The following KCNAB2 variants were observed in gnomAD, a reference collection of about 807,000 sequenced individuals.
The protein encoded by KCNAB2 is voltage-gated potassium channel subunit beta-2.
A neutral mutation model predicts 63.6 loss-of-function variants in KCNAB2; 29 were observed. The ratio of observed to expected loss-of-function variants is 0.46; its 90% CI spans 0.34 to 0.62. The LOEUF is 0.62. KCNAB2 is among the 20% of genes least tolerant of loss of function. The pLI is 0.01. For synonymous variants in KCNAB2, 222 were observed against 224.2 expected (o/e 0.99, Z 0.09); for missense variants, 359 against 563.9 (o/e 0.64, Z 3.68).
rs139045988 is a variant in KCNAB2 at position 6,087,200 on chromosome 1, C to T, written c.426-267C>T. On this transcript the variant is annotated intron_variant, in intron 6 of 15. Transcript: ENST00000378083. This position sits in a 1 kb window ranked among gnomAD's most constrained non-coding sequence, Gnocchi z 6.4. ...GAAGGCATCTCCTCCGGACTCCGGT[C>T]ACACTAGGCCCCCCACTGTCCAACT... 1.3e-5 allele frequency among the ~76,000 whole-genome samples: 2 copies of T among 152,284 alleles called. No homozygotes were observed. The highest frequency in any genetic ancestry group is 2.9e-5 in the Non-Finnish European group (2 of 68,034).
At chr1:5,992,759 G>C (rs1398699699) in exon 1 of KCNAB2, 1 of 152,202 alleles carries the variant, frequency 6.6e-6, no homozygotes, top group African/African-American at 2.4e-5. Flanking sequence ...ATCCGGCGCG[G>C]GGCACAGGAT....
intron 1 of KCNAB2, among the ~76,000 whole-genome samples, chr1:6,039,402 C>T (rs561212769): frequency 2.6e-5 from 4 of 152,182 alleles, no homozygotes; most frequent in South Asian, 2.1e-4. Flanking sequence ...GTTCAGGAGG[C>T]GGTGGGGGGA....
chr1:6,076,608 C>T (rs1663684815), intron 4 of KCNAB2, among the ~76,000 whole-genome samples: 2 of 152,210 alleles, frequency 1.3e-5, no homozygotes, highest in Admixed American at 1.3e-4. Context: ...TGGCTATAAA[C>T]AGGTGCAGGG....
chr1:5,995,273 G>A (rs553293049), intron 1 of KCNAB2, among the ~76,000 whole-genome samples: 5 of 152,266 alleles, frequency 3.3e-5, no homozygotes, highest in South Asian at 2.1e-4. Context: ...CCCAGCAGCC[G>A]GTCATCCTTG....
intron 5 of KCNAB2, among the ~76,000 whole-genome samples, chr1:6,083,369 C>T (rs768266390): frequency 2.0e-5 from 3 of 152,218 alleles, no homozygotes; most frequent in Non-Finnish European, 4.4e-5. Context: ...GTGCAGCCTC[C>T]GTGGATGAGG....
intron 1 of KCNAB2, among the ~76,000 whole-genome samples, chr1:6,049,619 C>T (rs1285399002): frequency 6.6e-6 from 1 of 152,214 alleles, no homozygotes; most frequent in East Asian, 1.9e-4. Context: ...CCAGCCCTGA[C>T]CAGGGTGGTG....
rs116079798 is a variant in KCNAB2 at position 6,003,574 on chromosome 1, C to T, written c.-53+10786C>T. On this transcript the variant is annotated intron_variant, in intron 1 of 16. Transcript: ENST00000341524. The surrounding 1 kb of genome is among the most constrained non-coding windows in gnomAD (Gnocchi z 4.1). ...GGAGATCCGGCAGCTCTTCACTCTT[C>T]CGAATCAGGCTGTGGGAAACGTTTG... Among the ~76,000 whole-genome samples the T allele has an allele frequency of 6.6e-6, 1 of 152,224 alleles. No homozygotes were observed. The highest frequency in any genetic ancestry group is 1.5e-5 in the Non-Finnish European group (1 of 68,044).
upstream of KCNAB2, among the ~76,000 whole-genome samples, chr1:6,042,982 TTAGATCC>T (rs1660630283): frequency 6.6e-6 from 1 of 152,184 alleles, no homozygotes; most frequent in South Asian, 2.1e-4. Context: ...TGGCCAACTC[TTAGATCC>T]TACTGAAATT....
Position 6,087,368 on chromosome 1 carries a change from T to G in KCNAB2, c.426-99T>G. On this transcript the variant is annotated intron_variant, in intron 6 of 15. Transcript: ENST00000378083. The surrounding 1 kb of genome is among the most constrained non-coding windows in gnomAD (Gnocchi z 6.4). ...GCCCCAGGCTCCTGGGTGGGAGGGC[T>G]TTCAGGACCTCTGTGTGAGAGATGA... 1 of 1,332,034 alleles carries G rather than the reference T, an allele frequency of 7.5e-7. No homozygotes were observed. The highest frequency in any genetic ancestry group is 1.1e-6 in the Non-Finnish European group (1 of 924,198). The allele number at this position is 1,332,034 out of a possible 1,614,324, so 82.5% of individuals were successfully genotyped here. A position where few individuals can be genotyped will look rare whatever the true frequency, so the allele number is the denominator to read the frequency against.
At chr1:6,046,697 C>T (rs1660955783) in intron 1 of KCNAB2, among the ~76,000 whole-genome samples, 1 of 152,190 alleles carries the variant, frequency 6.6e-6, no homozygotes, top group South Asian at 2.1e-4. Context: ...TGAAGCAATG[C>T]CGTGTCTTGT....
At chr1:6,065,661 C>G (rs189837490) in intron 2 of KCNAB2, among the ~76,000 whole-genome samples, 6 of 152,204 alleles carry the variant, frequency 3.9e-5, no homozygotes, top group Admixed American at 2.0e-4. Context: ...CGTCACTCAT[C>G]ATCAGGAGTA....
upstream of KCNAB2, among the ~76,000 whole-genome samples, chr1:6,045,364 C>A (rs1050144803): frequency 6.6e-6 from 1 of 152,188 alleles, no homozygotes; most frequent in African/African-American, 2.4e-5. The surrounding 1 kb of genome is among the most constrained non-coding windows in gnomAD (Gnocchi z 4.8). Context: ...TGGGGCTCAG[C>A]ACTTAGCCTC....
intron 1 of KCNAB2, among the ~76,000 whole-genome samples, chr1:6,010,167 G>A (rs564671728): frequency 1.4e-4 from 21 of 152,126 alleles, no homozygotes; most frequent in East Asian, 7.7e-4. Context: ...GTGAGCCACC[G>A]TGTCCAGTCA....
chr1:6,026,784 G>A (rs940318399), intron 1 of KCNAB2, among the ~76,000 whole-genome samples: 37 of 152,214 alleles, frequency 2.4e-4, no homozygotes, highest in East Asian at 9.6e-4. Flanking sequence ...GGGAGACGCC[G>A]GAAGATGGAG....
At chr1:6,030,707 T>G (rs781002191), upstream of KCNAB2, among the ~76,000 whole-genome samples, 1 of 151,704 alleles carries the variant, frequency 6.6e-6, no homozygotes, top group African/African-American at 2.4e-5. Flanking sequence ...TGTGTGTATG[T>G]GTGTAGGTAT....
At position 6,070,086 on chromosome 1, in the gene KCNAB2, G is replaced by A. The variant is rs373116256; in HGVS notation, c.219-2669G>A. Among the ~76,000 whole-genome samples the A allele has an allele frequency of 3.3e-5, 5 of 152,320 alleles. No individual in the cohort carries two copies. In the East Asian group the frequency reaches 7.7e-4, roughly 23 times the overall value. ...AAGCAACTGTTCCCCACAGTCACTC[G>A]TGGAGGTGGTTTTGCAGAGGTGGGG... On this transcript the variant is annotated intron_variant, in intron 2 of 15. Transcript: ENST00000378083.
upstream of KCNAB2, among the ~76,000 whole-genome samples, chr1:6,043,034 C>A (rs958140887): frequency 2.0e-5 from 3 of 152,156 alleles, no homozygotes; most frequent in African/African-American, 7.2e-5. Flanking sequence ...ATAGTTAAAT[C>A]TGAACTCCGG....
chr1:6,080,903 G>A (rs1664153112), intron 4 of KCNAB2, among the ~76,000 whole-genome samples: 1 of 152,174 alleles, frequency 6.6e-6, no homozygotes, highest in African/African-American at 2.4e-5. Context: ...GGTTTTTGAG[G>A]GTTATTAAGA....
Position 6,085,344 on chromosome 1 carries a change from C to T in KCNAB2, c.425+96C>T. ...CGGCCTGTCGTGCAGTGTCGTAAGG[C>T]CCGCAAGTCCCCACATCTTTCTTGC... On this transcript the variant is annotated intron_variant, in intron 6 of 15. Transcript: ENST00000378083. 3.0e-6 allele frequency: 3 copies of T among 1,000,068 alleles called. No individual in the cohort carries two copies. In the South Asian group the frequency reaches 4.0e-5, roughly 13 times the overall value. The allele number at this position is 1,000,068 out of a possible 1,614,324, so 61.9% of individuals were successfully genotyped here. A position where few individuals can be genotyped will look rare whatever the true frequency, so the allele number is the denominator to read the frequency against.
Sources: allele counts gnomAD v4.1 joint callset (sites outside exome capture counted in the v4.1 genomes callset), GRCh38; gene constraint gnomAD v4.1.1; non-coding constraint Gnocchi (gnomAD v3.1); transcripts MANE v1.5; gene names NCBI Gene and HGNC (gene_info 2026-07-23, HGNC 2026-07-21).